The following MAGI2 variants were observed in gnomAD, a reference collection of about 807,000 sequenced individuals.
The protein encoded by MAGI2 is membrane associated guanylate kinase, WW and PDZ domain containing 2.
A neutral mutation model predicts 133.3 loss-of-function variants in MAGI2; 35 were observed. The ratio of observed to expected loss-of-function variants is 0.26; its 90% CI spans 0.20 to 0.35. The LOEUF (loss-of-function observed/expected upper bound fraction) is 0.35, where lower values mean the gene tolerates loss of function less well. MAGI2 is among the 10% of genes least tolerant of loss of function. MAGI2 has a pLI of 1.00. For missense variants in MAGI2, 1,636 were observed against 1,863.4 expected, an observed-to-expected ratio of 0.88 and a Z score of 2.25; for synonymous variants, 729 against 710.6, an observed-to-expected ratio of 1.03 and a Z score of -0.41.
intron 2 of MAGI2, among the ~76,000 whole-genome samples, chr7:78,823,311 C>T (rs551921653): frequency 1.1e-3 from 169 of 151,882 alleles, no homozygotes; most frequent in African/African-American, 4.0e-3. Flanking sequence ...CGGCCGGGCG[C>T]GGTGGCTCAC....
chr7:78,542,377 T>C (rs2150672709), intron 3 of MAGI2, among the ~76,000 whole-genome samples: 1 of 152,252 alleles, frequency 6.6e-6, no homozygotes, highest in South Asian at 2.1e-4. Flanking sequence ...CATATGTACC[T>C]AGCAAATAAG....
At chr7:78,957,759 C>T (rs1802511507) in intron 2 of MAGI2, among the ~76,000 whole-genome samples, 1 of 152,086 alleles carries the variant, frequency 6.6e-6, no homozygotes, top group African/African-American at 2.4e-5. Context: ...GAATTCAAAC[C>T]CACTCAGCCT....
At chr7:78,049,607 G>C (rs1199406953) in intron 21 of MAGI2, among the ~76,000 whole-genome samples, 1 of 152,060 alleles carries the variant, frequency 6.6e-6, no homozygotes, top group Non-Finnish European at 1.5e-5. Context: ...TTTTTAAGTG[G>C]CTCGCGGTAG....
chr7:79,153,932 AG>A (rs1228855634), intron 1 of MAGI2, among the ~76,000 whole-genome samples: 1 of 152,226 alleles, frequency 6.6e-6, no homozygotes, highest in African/African-American at 2.4e-5. Context: ...GTTAAATTAA[AG>A]GAAGAAATAT....
intron 10 of MAGI2, among the ~76,000 whole-genome samples, chr7:78,223,593 A>G (rs1244156756): frequency 2.0e-5 from 3 of 152,320 alleles, no homozygotes; most frequent in African/African-American, 7.2e-5. Flanking sequence ...ATTTCAAAAT[A>G]TTAATATACT....
At chr7:79,379,947 T>G (rs1227113235) in intron 1 of MAGI2, among the ~76,000 whole-genome samples, 1 of 151,574 alleles carries the variant, frequency 6.6e-6, no homozygotes, top group Non-Finnish European at 1.5e-5. Context: ...TAGCCATATG[T>G]AGAAAGCTGA....
At chr7:78,163,851 G>A (rs1043651988) in intron 15 of MAGI2, among the ~76,000 whole-genome samples, 1 of 147,100 alleles carries the variant, frequency 6.8e-6, no homozygotes, top group Non-Finnish European at 1.5e-5. Context: ...AGCTTGCAGT[G>A]AGCTGAGATC....
intron 1 of MAGI2, among the ~76,000 whole-genome samples, chr7:79,007,767 T>C (rs1807600937): frequency 6.6e-6 from 1 of 152,064 alleles, no homozygotes. Context: ...TATAAAAAGT[T>C]AAAGAAGAAA....
chr7:78,187,916 T>A (rs977098895), intron 12 of MAGI2, among the ~76,000 whole-genome samples: 2 of 152,218 alleles, frequency 1.3e-5, no homozygotes, highest in Admixed American at 6.5e-5. Context: ...TGTCAACTTG[T>A]GCAACCAACA....
chr7:78,292,637 G>A (rs1429348589), intron 9 of MAGI2, among the ~76,000 whole-genome samples: 3 of 152,148 alleles, frequency 2.0e-5, no homozygotes, highest in Non-Finnish European at 4.4e-5. Context: ...ACAATCCTAA[G>A]TCAAAAGAAC....
chr7:78,669,537 T>C (rs1444089710), intron 2 of MAGI2, among the ~76,000 whole-genome samples: 13 of 152,100 alleles, frequency 8.5e-5, no homozygotes, highest in Middle Eastern at 3.4e-3. Context: ...TTCCAATCAA[T>C]AGAAAAAGAG....
intron 3 of MAGI2, among the ~76,000 whole-genome samples, chr7:78,585,483 GA>G (rs1465878670): frequency 6.6e-6 from 1 of 152,216 alleles, no homozygotes; most frequent in Non-Finnish European, 1.5e-5. Flanking sequence ...ATACGTAGTT[GA>G]AAGTGGAAAT....
chr7:78,833,317 A>T (rs895853607), intron 2 of MAGI2, among the ~76,000 whole-genome samples: 30 of 152,244 alleles, frequency 2.0e-4, no homozygotes, highest in Admixed American at 1.9e-3. Context: ...TAATCAAATG[A>T]CCCTAAATCC....
chr7:78,441,226 T>C (rs2080374), intron 6 of MAGI2, among the ~76,000 whole-genome samples: 136,586 of 152,170 alleles, frequency 0.9, 62,367 homozygotes, highest in East Asian at 0.98. Context: ...CTCCACCAAA[T>C]TGGATTACAT....
intron 6 of MAGI2, among the ~76,000 whole-genome samples, chr7:78,456,726 C>A (rs1789360260): frequency 6.6e-6 from 1 of 151,980 alleles, no homozygotes; most frequent in Non-Finnish European, 1.5e-5. Context: ...TGGGAGCAAG[C>A]CAGGAAAATC....
intron 2 of MAGI2, among the ~76,000 whole-genome samples, chr7:78,965,933 C>T (rs552804451): frequency 7.1e-4 from 108 of 152,136 alleles, no homozygotes; most frequent in Non-Finnish European, 1.3e-3. Flanking sequence ...CATCCCTCAT[C>T]CCTCACCTTT....
intron 16 of MAGI2, among the ~76,000 whole-genome samples, chr7:78,139,297 G>A (rs1203723121): frequency 6.6e-6 from 1 of 152,098 alleles, no homozygotes; most frequent in Non-Finnish European, 1.5e-5. Flanking sequence ...GGCAGCTAAC[G>A]GCAGCCTCAC....
At chr7:78,045,718 T>G (rs1398579782) in intron 21 of MAGI2, among the ~76,000 whole-genome samples, 1 of 152,186 alleles carries the variant, frequency 6.6e-6, no homozygotes, top group Non-Finnish European at 1.5e-5. Flanking sequence ...AATCAGAGCC[T>G]GACTCCAATT....
chr7:78,119,353 G>A (rs1820189930), intron 20 of MAGI2, among the ~76,000 whole-genome samples: 1 of 152,044 alleles, frequency 6.6e-6, no homozygotes, highest in African/African-American at 2.4e-5. Flanking sequence ...GAGGTCAGGG[G>A]ATAGAGACCA....
Sources: gnomAD v4.1 joint callset for allele counts (sites outside exome capture counted in the v4.1 genomes callset) on GRCh38, gnomAD v4.1.1 for gene constraint, MANE v1.5 for transcripts, NCBI Gene and HGNC (gene_info 2026-07-23, HGNC 2026-07-21) for gene names.